TOP1: variants seen among roughly 807,000 people sequenced by gnomAD.
TOP1 encodes DNA topoisomerase I, also known as DNA topoisomerase 1.
Under a neutral mutation model 111.1 loss-of-function variants are expected in TOP1, and 10 were observed. The ratio of observed to expected loss-of-function variants is 0.09; its 90% CI spans 0.06 to 0.15. The LOEUF is 0.15. Ranked by LOEUF, TOP1 falls within the 10% of genes least tolerant of loss-of-function variation. The pLI, the probability that TOP1 is intolerant of heterozygous loss-of-function variation, is 1.00. For missense variants in TOP1, 474 were observed against 926.7 expected (o/e 0.51, Z 6.34); for synonymous variants, 271 against 302.9 (o/e 0.89, Z 1.10).
At chr20:41,064,586 C>T (rs572951438) in intron 3 of TOP1, among the ~76,000 whole-genome samples, 7 of 152,298 alleles carry the variant, frequency 4.6e-5, no homozygotes, top group African/African-American at 1.4e-4. Flanking sequence ...GTTCCTTAAA[C>T]ATAGCATGTT....
At position 41,030,856 on chromosome 20, in the gene TOP1, G is replaced by A. The variant is rs2033109959; in HGVS notation, c.58+1401G>A. 6.6e-6 allele frequency among the ~76,000 whole-genome samples: 1 copy of A among 152,212 alleles called. No homozygotes were observed. The highest frequency in any genetic ancestry group is 2.1e-4 in the South Asian group (1 of 4,834). On this transcript the variant is annotated intron_variant, in intron 2 of 20. Transcript: ENST00000361337. The surrounding 1 kb of genome is among the most constrained non-coding windows in gnomAD (Gnocchi z 4.1). ...CAGGAGATGGTACTCAGCCAGGAGAGAATCTGGTTTAAAGTATGGCATTTC... is the reference window on the plus strand; with the variant it reads ...CAGGAGATGGTACTCAGCCAGGAGAAAATCTGGTTTAAAGTATGGCATTTC...
intron 2 of TOP1, among the ~76,000 whole-genome samples, chr20:41,040,210 TA>T (rs1376051153): frequency 2.6e-5 from 4 of 152,220 alleles, no homozygotes; most frequent in Non-Finnish European, 5.9e-5. Context: ...GGGTAATACA[TA>T]AAAGCTGTTA....
chr20:41,103,938 ACTTTTC>A (rs1272811614), intron 13 of TOP1, among the ~76,000 whole-genome samples: 1 of 152,084 alleles, frequency 6.6e-6, no homozygotes. Flanking sequence ...GGCACCCTGT[ACTTTTC>A]CTTTGCAGCA....
In TOP1 at chr20:41,121,639, C is replaced by G. The variant is rs1198309302; in HGVS notation, c.1951-57C>G. 53 of 1,371,722 alleles carry G rather than the reference C, an allele frequency of 3.9e-5. 2 individuals carry two copies. The Admixed American group carries it at 8.9e-4, about 23-fold the overall frequency. 85.0% of individuals were successfully genotyped at this position (1,371,722 alleles called of 1,614,324 possible). A position where few individuals can be genotyped will look rare whatever the true frequency, so the allele number is the denominator to read the frequency against. ...AGATAACATCTTGGTTTCACCTTCT[C>G]AGGTGGAGCCATTTTTCCTCTACAG... On this transcript the variant is annotated intron_variant, in intron 18 of 20. Transcript: ENST00000361337. This position sits in a 1 kb window ranked among gnomAD's most constrained non-coding sequence, Gnocchi z 4.2.
chr20:41,041,886 G>GTGA (rs112066961), intron 2 of TOP1, among the ~76,000 whole-genome samples: 29,471 of 149,472 alleles, frequency 0.2, 3,630 homozygotes, highest in East Asian at 0.66. Context: ...AGCTTACAGG[G>GTGA]TGATGATGAT....
rs1246735292 is a variant in TOP1, at chr20:41,032,544, T to C, written c.58+3089T>C. On this transcript the variant is annotated intron_variant, in intron 2 of 20. Coordinates refer to ENST00000361337, the MANE Select transcript of TOP1 (RefSeq NM_003286.4). This position sits in a 1 kb window ranked among gnomAD's most constrained non-coding sequence, Gnocchi z 4.3. Reference sequence around the variant, plus strand: ...ACCAGGTTAAAGTGTTAGCGATTCTTCTGCTGTTTCAGAGGTCTTGAAGTT... The same window carrying C: ...ACCAGGTTAAAGTGTTAGCGATTCTCCTGCTGTTTCAGAGGTCTTGAAGTT... Among the ~76,000 whole-genome samples the C allele has an allele frequency of 6.6e-6, 1 of 152,224 alleles. No homozygotes were observed. The highest frequency in any genetic ancestry group is 2.4e-5 in the African/African-American group (1 of 41,444).
rs773734979 is a variant in TOP1, at chr20:41,113,954, T to C, written c.1453-16T>C. Reference sequence around the variant, plus strand: ...CTCTTCCATTCATGCTCATCTTTTCTTTCTTTCCTGGGCAGCTTGCTCTGA... The same window carrying C: ...CTCTTCCATTCATGCTCATCTTTTCCTTCTTTCCTGGGCAGCTTGCTCTGA... On this transcript the variant is annotated splice_polypyrimidine_tract_variant and intron_variant, in intron 14 of 20. Coordinates refer to ENST00000361337, the MANE Select transcript of TOP1 (RefSeq NM_003286.4). The C allele has an allele frequency of 1.2e-6, 2 of 1,607,160 alleles. No homozygotes were observed. Among genetic ancestry groups the C allele is most frequent in the South Asian group, 2.2e-5 (2 of 90,702 alleles).
In TOP1 at chr20:41,029,129, C is replaced by A; in HGVS notation, c.33+29C>A. On this transcript the variant is annotated intron_variant, in intron 1 of 20. Coordinates refer to ENST00000361337, the MANE Select transcript of TOP1 (RefSeq NM_003286.4). The surrounding 1 kb of genome is among the most constrained non-coding windows in gnomAD (Gnocchi z 6.1). ...CGGCCCGGCCTGACCCTGGCGGCCC[C>A]GGACCCCGGCCTGGCCGTCCCGCGA... 1 of 1,468,858 alleles carries A rather than the reference C, an allele frequency of 6.8e-7. No individual in the cohort carries two copies. Among genetic ancestry groups the A allele is most frequent in the Non-Finnish European group, 9.0e-7 (1 of 1,110,298 alleles). The allele number at this position is 1,468,858 out of a possible 1,614,324, so 91.0% of individuals were successfully genotyped here.
chr20:41,091,103 A>G (rs1367259809), intron 8 of TOP1, among the ~76,000 whole-genome samples: 1 of 152,204 alleles, frequency 6.6e-6, no homozygotes, highest in Non-Finnish European at 1.5e-5. Context: ...TTATAGTAAT[A>G]CCATTGTTAC....
At position 41,046,296 on chromosome 20, in the gene TOP1, G is replaced by C. The variant is rs2033333288; in HGVS notation, c.59-15098G>C. 6.6e-6 allele frequency among the ~76,000 whole-genome samples: 1 copy of C among 152,204 alleles called. No homozygotes were observed. The highest frequency in any genetic ancestry group is 6.5e-5 in the Admixed American group (1 of 15,280). On this transcript the variant is annotated intron_variant, in intron 2 of 20. Coordinates refer to ENST00000361337, the MANE Select transcript of TOP1 (RefSeq NM_003286.4). This position sits in a 1 kb window ranked among gnomAD's most constrained non-coding sequence, Gnocchi z 4.3. ...AATTGAATCTCACGGTTTAAGTAAA[G>C]TAACTAGCTCAAGGCTATATAGTTA...
intron 13 of TOP1, among the ~76,000 whole-genome samples, chr20:41,107,905 C>T (rs989819949): frequency 1.3e-5 from 2 of 152,206 alleles, no homozygotes; most frequent in Non-Finnish European, 2.9e-5. Flanking sequence ...GACTTCAAGT[C>T]CCCCCTTCTT....
intron 7 of TOP1, 62 bp downstream of exon 7, chr20:41,081,302 C>T (rs1449079745): frequency 6.5e-7 from 1 of 1,533,196 alleles, no homozygotes; most frequent in Admixed American, 2.2e-5. Context: ...TTCCAGTAAG[C>T]AACTTCTTAA....
Position 41,028,847 on chromosome 20 carries a change from A to C in TOP1, c.-221A>C. The C allele has an allele frequency of 1.9e-6, 1 of 534,506 alleles. No homozygotes were observed. The highest frequency in any genetic ancestry group is 3.3e-6 in the Non-Finnish European group (1 of 304,032). 33.1% of individuals were successfully genotyped at this position (534,506 alleles called of 1,614,324 possible). A position where few individuals can be genotyped will look rare whatever the true frequency, so the allele number is the denominator to read the frequency against. On this transcript the variant is annotated 5_prime_UTR_variant, in exon 1 of 21. Transcript: ENST00000361337. The stretch of plus-strand genomic sequence containing the variant: ...CAAATGCGAACTTAGGCTGTTACAC[A>C]ACTGCTGGGGTCTGTTCTCGCCGCC...
Position 41,115,568 on chromosome 20 carries a change from ACTCT to A in TOP1, c.1707+134_1707+137del, listed in dbSNP as rs2034315900. On this transcript the variant is annotated intron_variant, in intron 16 of 20. Transcript: ENST00000361337. This position sits in a 1 kb window ranked among gnomAD's most constrained non-coding sequence, Gnocchi z 6.3. ...TGGCCTGCTCTGTGGCATCCCATAC[ACTCT>A]CTCTTCCTCCCTCTGAGTCCACGGT... The A allele has an allele frequency of 4.6e-6, 3 of 649,028 alleles. No homozygotes were observed. Among genetic ancestry groups the A allele is most frequent in the Non-Finnish European group, 8.3e-6 (3 of 363,130 alleles). 40.2% of individuals were successfully genotyped at this position (649,028 alleles called of 1,614,324 possible). A position where few individuals can be genotyped will look rare whatever the true frequency, so the allele number is the denominator to read the frequency against.
Position 41,061,386 on chromosome 20 carries a change from G to A in TOP1, c.59-8G>A. The A allele has an allele frequency of 6.2e-7, 1 of 1,613,232 alleles. No homozygotes were observed. Among genetic ancestry groups the A allele is most frequent in the Non-Finnish European group, 8.5e-7 (1 of 1,179,466 alleles). ...TCCTGTTAACTGACTCATCTCTTAT[G>A]GTTGCAGATTCTCATAAACACAAAG... On this transcript the variant is annotated splice_region_variant and splice_polypyrimidine_tract_variant and intron_variant, in intron 2 of 20. Transcript: ENST00000361337. This position sits in a 1 kb window ranked among gnomAD's most constrained non-coding sequence, Gnocchi z 4.6.
In TOP1 at chr20:41,079,245, G is replaced by A. The variant is rs978882393; in HGVS notation, c.336-840G>A. 6.6e-6 allele frequency among the ~76,000 whole-genome samples: 1 copy of A among 152,154 alleles called. No individual in the cohort carries two copies. Among genetic ancestry groups the A allele is most frequent in the African/African-American group, 2.4e-5 (1 of 41,416 alleles). On this transcript the variant is annotated intron_variant, in intron 5 of 20. Transcript: ENST00000361337. The surrounding 1 kb of genome is among the most constrained non-coding windows in gnomAD (Gnocchi z 4.0). ...TCCACAGGGGGCAGCTGCATGTAAG[G>A]AGGCCATTTCTTGTACTAAGTTAAG...
chr20:41,107,011 T>C (rs1157596412), intron 13 of TOP1, among the ~76,000 whole-genome samples: 1 of 152,216 alleles, frequency 6.6e-6, no homozygotes, highest in African/African-American at 2.4e-5. Context: ...TTGTATCTCA[T>C]ACCTTCTGGG....
intron 3 of TOP1, chr20:41,072,203 A>G: frequency 1.0e-6 from 1 of 981,544 alleles, no homozygotes; most frequent in South Asian, 4.7e-5. Flanking sequence ...ATTATAGCCT[A>G]CAATTGTACT....
intron 2 of TOP1, among the ~76,000 whole-genome samples, chr20:41,041,851 C>T (rs1439704198): frequency 2.6e-5 from 4 of 152,012 alleles, no homozygotes; most frequent in East Asian, 1.9e-4. Flanking sequence ...CATTCAATTA[C>T]GATACTCCAC....
Sources: gnomAD v4.1 joint callset for allele counts (sites outside exome capture counted in the v4.1 genomes callset) on GRCh38, gnomAD v4.1.1 for gene constraint, Gnocchi (gnomAD v3.1) non-coding constraint, MANE v1.5 for transcripts, NCBI Gene and HGNC (gene_info 2026-07-23, HGNC 2026-07-21) for gene names.